Variants in FAM83G observed in about 807,000 individuals in gnomAD.
The protein encoded by FAM83G is protein FAM83G.
In FAM83G, 38 loss-of-function variants were observed where a neutral mutation model predicts 61.5. The observed-to-expected ratio is 0.62, with a 90% CI of 0.48 to 0.81. FAM83G has a LOEUF of 0.81. Among genes scored for constraint, FAM83G ranks in the 30% least tolerant of loss-of-function variants. FAM83G has a pLI of 0.00. For missense variants in FAM83G, 989 were observed against 1,133.6 expected, an observed-to-expected ratio of 0.87 and a Z score of 1.83; for synonymous variants, 470 against 476.1, an observed-to-expected ratio of 0.99 and a Z score of 0.17.
At chr17:18,979,287 T>C (rs1271665590) in intron 4 of FAM83G, 14 of 518,468 alleles carry the variant, frequency 2.7e-5, no homozygotes, top group East Asian at 1.0e-4. Context: ...GTGACCCCCA[T>C]AGGCTTGCGA....
chr17:19,004,544 G>C lies in FAM83G; in HGVS notation c.-129+165C>G, dbSNP rs991368323. On this transcript the variant is annotated intron_variant, in intron 1 of 5. Coordinates refer to ENST00000388995, the MANE Select transcript of FAM83G (RefSeq NM_001039999.3). The surrounding 1 kb of genome is among the most constrained non-coding windows in gnomAD (Gnocchi z 5.4). ...GGCGCCCCGCAAACCGAGGGCTTCC[G>C]GGTAAGGGAGGGGTCTTAAAATTTC... is the stretch of plus-strand genomic sequence containing the variant. Among the ~76,000 whole-genome samples, 1 of 152,068 alleles carries C rather than the reference G, an allele frequency of 6.6e-6. No homozygotes were observed. The highest frequency in any genetic ancestry group is 1.5e-5 in the Non-Finnish European group (1 of 67,954).
intron 3 of FAM83G, among the ~76,000 whole-genome samples, chr17:18,987,070 G>C (rs567329986): frequency 6.6e-6 from 1 of 152,344 alleles, no homozygotes; most frequent in East Asian, 1.9e-4. Flanking sequence ...GAGGCGTTGG[G>C]GTTGGAGGGG....
At chr17:18,982,805 C>T in intron 3 of FAM83G, among the ~76,000 whole-genome samples, 1 of 152,246 alleles carries the variant, frequency 6.6e-6, no homozygotes, top group East Asian at 1.9e-4. Flanking sequence ...AGGGTCTAGG[C>T]ATTCCTGAGC....
chr17:18,995,161 A>G (rs2043531845), intron 2 of FAM83G, among the ~76,000 whole-genome samples: 1 of 152,224 alleles, frequency 6.6e-6, no homozygotes, highest in Non-Finnish European at 1.5e-5. Context: ...CATGATGCAC[A>G]TGAGAAAAAA....
At position 19,003,676 on chromosome 17, in the gene FAM83G, C is replaced by G. The variant is rs745551286; in HGVS notation, c.366G>C (p.Gln122His). The stretch of plus-strand genomic sequence containing the variant: ...GCTGCGGGATGGAGCGGTCCGACTT[C>G]TGGGGCCAGTACTCCAGGGAGGGCA... ...EPLPSLEYWP[Q>H]KSDRSIPQLD... The change falls in exon 2 of 6, where the codon CAG becomes CAC. Residue 122 changes from glutamine (Q) to histidine (H), a missense_variant. Physicochemically the swap from Gln to His is conservative, Grantham distance 24. Around this residue, in one of 3 missense-constraint regions of FAM83G, gnomAD observed 371 missense variants for 404.5 expected, o/e 0.92. Coordinates refer to ENST00000388995, the MANE Select transcript of FAM83G (RefSeq NM_001039999.3). This position sits in a 1 kb window ranked among gnomAD's most constrained non-coding sequence, Gnocchi z 4.5. 1.9e-6 allele frequency: 3 copies of G among 1,611,410 alleles called. No homozygotes were observed. Among genetic ancestry groups the G allele is most frequent in the Non-Finnish European group, 2.5e-6 (3 of 1,179,150 alleles).
Position 18,970,808 on chromosome 17 carries a change from C to T in FAM83G, c.*551G>A, listed in dbSNP as rs531825494. On this transcript the variant is annotated 3_prime_UTR_variant, in exon 6 of 6. Coordinates refer to ENST00000388995, the MANE Select transcript of FAM83G (RefSeq NM_001039999.3). ...TTACTTAATAGTATTATTTTAAATA[C>T]GAATAAAATAGTCATTCAAATACAC... is the stretch of plus-strand genomic sequence containing the variant. The T allele has an allele frequency of 8.2e-5, 48 of 586,660 alleles. No individual in the cohort carries two copies. Among genetic ancestry groups the T allele is most frequent in the African/African-American group, 4.3e-4 (23 of 53,550 alleles). 36.3% of individuals were successfully genotyped at this position (586,660 alleles called of 1,614,324 possible).
intron 2 of FAM83G, among the ~76,000 whole-genome samples, chr17:19,001,351 T>G (rs1379702213): frequency 6.6e-6 from 1 of 152,190 alleles, no homozygotes; most frequent in African/African-American, 2.4e-5. Flanking sequence ...GATGAGGAGC[T>G]TAGTCTCTAC....
chr17:18,983,024 C>T (rs2043177933), intron 3 of FAM83G, among the ~76,000 whole-genome samples: 1 of 152,360 alleles, frequency 6.6e-6, no homozygotes, highest in South Asian at 2.1e-4. Flanking sequence ...GGAAGTGGCG[C>T]AGTGGGCTGT....
chr17:18,989,721 T>A (rs189449790), intron 2 of FAM83G, among the ~76,000 whole-genome samples: 39 of 152,258 alleles, frequency 2.6e-4, no homozygotes, highest in African/African-American at 9.1e-4. Context: ...ACGTTCCCAT[T>A]TACAGGGGGT....
At chr17:18,976,866 C>A (rs761410107) in intron 5 of FAM83G, 1 of 1,613,418 alleles carries the variant, frequency 6.2e-7, no homozygotes, top group Admixed American at 1.7e-5. Flanking sequence ...CATCGTGCAG[C>A]GATCACTGTC....
intron 3 of FAM83G, among the ~76,000 whole-genome samples, chr17:18,985,420 C>T (rs181908274): frequency 1.2e-4 from 19 of 152,344 alleles, no homozygotes; most frequent in Admixed American, 1.2e-3. Context: ...AAGGATGACC[C>T]TACCAGAAAA....
chr17:18,971,757 G>A lies in FAM83G; in HGVS notation c.2083-9C>T, dbSNP rs750114463. On this transcript the variant is annotated splice_polypyrimidine_tract_variant and intron_variant, in intron 5 of 5. Transcript: ENST00000388995. This position sits in a 1 kb window ranked among gnomAD's most constrained non-coding sequence, Gnocchi z 5.5. ...TGATGAAACTGCTGGCCCTGGGAGAGAGAGAGCAGAGAGTGAGGCTGAGCA... is the reference window on the plus strand; with the variant it reads ...TGATGAAACTGCTGGCCCTGGGAGAAAGAGAGCAGAGAGTGAGGCTGAGCA... 1 of 1,548,342 alleles carries A rather than the reference G, an allele frequency of 6.5e-7. No homozygotes were observed. The highest frequency in any genetic ancestry group is 1.8e-4 in the Middle Eastern group (1 of 5,698).
Position 18,978,413 on chromosome 17 carries a change from T to A in FAM83G, c.1253A>T (p.Asp418Val). The change falls in exon 5 of 6, where the codon GAC (aspartate) becomes GTC (valine). Residue 418 changes from aspartate (D) to valine (V), a missense_variant. Around this residue, in one of 3 missense-constraint regions of FAM83G, gnomAD observed 574 missense variants for 645.1 expected, o/e 0.89. Coordinates refer to ENST00000388995, the MANE Select transcript of FAM83G (RefSeq NM_001039999.3). ...FEYLPTWVEP[D>V]PEPGSDILGY... ...CAGGATGTCGCTGCCAGGCTCCGGG[T>A]CTGGCTCCACCCACGTGGGCAGGTA... 1 of 1,592,426 alleles carries A rather than the reference T, an allele frequency of 6.3e-7. No individual in the cohort carries two copies. The highest frequency in any genetic ancestry group is 8.6e-7 in the Non-Finnish European group (1 of 1,169,408).
chr17:18,970,967 G>A lies in FAM83G; in HGVS notation c.*392C>T. 1 of 1,587,074 alleles carries A rather than the reference G, an allele frequency of 6.3e-7. No individual in the cohort carries two copies. Among genetic ancestry groups the A allele is most frequent in the South Asian group, 1.1e-5 (1 of 90,460 alleles). The stretch of plus-strand genomic sequence containing the variant: ...GCAGGGGGGAGCCCAGGGAGTCAGG[G>A]CCCCGCAACCACCAAACTGTCCCTG... On this transcript the variant is annotated 3_prime_UTR_variant, in exon 6 of 6. Coordinates refer to ENST00000388995, the MANE Select transcript of FAM83G (RefSeq NM_001039999.3).
At position 18,977,888 on chromosome 17, in the gene FAM83G, T is replaced by C. The variant is rs965059488; in HGVS notation, c.1778A>G (p.Gln593Arg). 9.3e-6 allele frequency: 15 copies of C among 1,611,018 alleles called. No homozygotes were observed. Among genetic ancestry groups the C allele is most frequent in the Non-Finnish European group, 1.2e-5 (14 of 1,179,794 alleles). Residue 593 changes from glutamine to arginine, a missense_variant, in exon 5 of 6, where the codon CAG (glutamine) becomes CGG (arginine). Physicochemically the swap from Gln to Arg is conservative, Grantham distance 43. Around this residue, in one of 3 missense-constraint regions of FAM83G, gnomAD observed 574 missense variants for 645.1 expected, o/e 0.89. Coordinates refer to ENST00000388995, the MANE Select transcript of FAM83G (RefSeq NM_001039999.3). Reference protein sequence around the residue: ...DDDDYVTLSDQDSHSGSSGRG... With the variant: ...DDDDYVTLSDRDSHSGSSGRG... ...GCCGGAGCTGCCTGAGTGGCTGTCC[T>C]GGTCACTGAGGGTTACGTAGTCGTC... is the stretch of plus-strand genomic sequence containing the variant.
intron 3 of FAM83G, among the ~76,000 whole-genome samples, chr17:18,987,257 A>G (rs1211432951): frequency 6.6e-6 from 1 of 152,192 alleles, no homozygotes; most frequent in African/African-American, 2.4e-5. Flanking sequence ...CACTATCTTT[A>G]ACTTGCTAGC....
chr17:18,971,121 T>C lies in FAM83G; in HGVS notation c.*238A>G, dbSNP rs768299765. 1.4e-5 allele frequency: 23 copies of C among 1,613,960 alleles called. 1 individual carries two copies. The highest frequency in any genetic ancestry group is 3.3e-5 in the South Asian group (3 of 91,090). On this transcript the variant is annotated 3_prime_UTR_variant, in exon 6 of 6. Coordinates refer to ENST00000388995, the MANE Select transcript of FAM83G (RefSeq NM_001039999.3). The surrounding 1 kb of genome is among the most constrained non-coding windows in gnomAD (Gnocchi z 5.5). ...TGCCACCTGCCACGTACAGACGCCATGCACATGTTTCGAGACCCCCACACA... is the reference window on the plus strand; with the variant it reads ...TGCCACCTGCCACGTACAGACGCCACGCACATGTTTCGAGACCCCCACACA...
rs2043812755 is a variant in FAM83G at position 19,004,104 on chromosome 17, GC to G, written c.-64del. 1.1e-5 allele frequency: 17 copies of G among 1,489,518 alleles called. No individual in the cohort carries two copies. In the South Asian group the frequency reaches 2.3e-4, roughly 20 times the overall value. The allele number at this position is 1,489,518 out of a possible 1,614,324, so 92.3% of individuals were successfully genotyped here. On this transcript the variant is annotated 5_prime_UTR_variant, in exon 2 of 6. Coordinates refer to ENST00000388995, the MANE Select transcript of FAM83G (RefSeq NM_001039999.3). This position sits in a 1 kb window ranked among gnomAD's most constrained non-coding sequence, Gnocchi z 5.4. ...GGGCAAGGTCCAGCTCCTAGCTCCG[GC>G]CCAGCTGGGGCACCGCGCGCTCGGG...
At position 18,996,625 on chromosome 17, in the gene FAM83G, C is replaced by T. The variant is rs1342806704; in HGVS notation, c.522+6895G>A. ...TAACAAATGCTGACCCCAGCCAGAG[C>T]AAGGATAATTAGGCCAACCAGCTGG... On this transcript the variant is annotated intron_variant, in intron 2 of 5. Coordinates refer to ENST00000388995, the MANE Select transcript of FAM83G (RefSeq NM_001039999.3). This position sits in a 1 kb window ranked among gnomAD's most constrained non-coding sequence, Gnocchi z 4.4. 1.3e-5 allele frequency among the ~76,000 whole-genome samples: 2 copies of T among 152,128 alleles called. No individual in the cohort carries two copies. The highest frequency in any genetic ancestry group is 2.9e-5 in the Non-Finnish European group (2 of 68,018).
Sources: allele counts gnomAD v4.1 joint callset (sites outside exome capture counted in the v4.1 genomes callset), GRCh38; gene constraint gnomAD v4.1.1; regional missense constraint gnomAD v4.1.1; non-coding constraint Gnocchi (gnomAD v3.1); transcripts MANE v1.5; gene names NCBI Gene and HGNC (gene_info 2026-07-23, HGNC 2026-07-21).